NBAS: variants seen among roughly 807,000 people sequenced by gnomAD.
NBAS encodes the protein NAG/BC035112 fusion.
Under a neutral mutation model 302.5 loss-of-function variants are expected in NBAS, and 219 were observed. That is an observed-to-expected ratio of 0.72 (90% CI 0.65 to 0.81). The LOEUF (loss-of-function observed/expected upper bound fraction) is 0.81. NBAS is among the 30% of genes least tolerant of loss of function. NBAS has a pLI of 0.00. For synonymous variants in NBAS, 1,118 were observed against 1,021.6 expected, an observed-to-expected ratio of 1.09 and a Z score of -1.80; for missense variants, 2,932 against 2,841.6, an observed-to-expected ratio of 1.03 and a Z score of -0.72.
the NBAS span, among the ~76,000 whole-genome samples, chr2:15,066,293 T>A: frequency 2.6e-5 from 4 of 152,318 alleles, no homozygotes; most frequent in Non-Finnish European, 5.9e-5. Flanking sequence ...AAAACCTTCA[T>A]GACATTGATC....
At chr2:15,508,335 G>C (rs1233758557) in intron 10 of NBAS, among the ~76,000 whole-genome samples, 1 of 152,130 alleles carries the variant, frequency 6.6e-6, no homozygotes, top group African/African-American at 2.4e-5. Flanking sequence ...AGGTGCAAAG[G>C]GAAAGCACAG....
intron 1 of NBAS, among the ~76,000 whole-genome samples, chr2:15,560,436 C>G (rs1472592495): frequency 6.6e-6 from 1 of 152,056 alleles, no homozygotes; most frequent in African/African-American, 2.4e-5. Context: ...TCTGCACTTC[C>G]GTGGCATTTT....
chr2:14,976,660 T>C, the NBAS span, among the ~76,000 whole-genome samples: 1 of 152,224 alleles, frequency 6.6e-6, no homozygotes. Context: ...AAAAAGTTTT[T>C]TCTACAATGT....
the NBAS span, among the ~76,000 whole-genome samples, chr2:14,815,806 G>A: frequency 6.6e-6 from 1 of 152,046 alleles, no homozygotes; most frequent in Non-Finnish European, 1.5e-5. Flanking sequence ...CACCATCCCA[G>A]ACTAGCTTTT....
At chr2:15,313,753 C>T (rs1168859079) in intron 38 of NBAS, among the ~76,000 whole-genome samples, 3 of 152,182 alleles carry the variant, frequency 2.0e-5, no homozygotes, top group Non-Finnish European at 4.4e-5. Context: ...AGGTCTAATT[C>T]CCTAGGGACT....
chr2:15,432,407 G>A (rs1225028936), intron 21 of NBAS, among the ~76,000 whole-genome samples: 27 of 151,704 alleles, frequency 1.8e-4, no homozygotes, highest in Admixed American at 1.7e-3. Context: ...AATAAACTAC[G>A]CTGGCTTTCA....
chr2:15,403,602 A>G lies in NBAS; in HGVS notation c.2938-1301T>C, dbSNP rs151178098. Among the ~76,000 whole-genome samples the G allele has an allele frequency of 5.0e-3, 756 of 152,296 alleles. 10 individuals are homozygous for G. The highest frequency in any genetic ancestry group is 0.017 in the African/African-American group (698 of 41,578). On this transcript the variant is annotated intron_variant, in intron 25 of 51. Transcript: ENST00000281513. ...ATGTGCAAAGGTTATCACAAATACTACACCATTGTGTATCAGGGACTTGAG... is the reference window on the plus strand; with the variant it reads ...ATGTGCAAAGGTTATCACAAATACTGCACCATTGTGTATCAGGGACTTGAG...
chr2:15,152,759 C>T, the NBAS span, among the ~76,000 whole-genome samples: 10 of 152,176 alleles, frequency 6.6e-5, no homozygotes, highest in Admixed American at 6.6e-4. Context: ...TAGACATTAA[C>T]AAAGGGGCCT....
At chr2:15,441,757 A>G (rs1324316718) in intron 21 of NBAS, among the ~76,000 whole-genome samples, 2 of 152,306 alleles carry the variant, frequency 1.3e-5, no homozygotes, top group Admixed American at 6.5e-5. Flanking sequence ...GTATTCAGGA[A>G]ACCCATCTCA....
chr2:14,821,344 C>G, the NBAS span, among the ~76,000 whole-genome samples: 1 of 152,154 alleles, frequency 6.6e-6, no homozygotes, highest in East Asian at 1.9e-4. Flanking sequence ...AAAGGCAGCT[C>G]TCATTTGCAT....
chr2:15,144,055 A>ATATATATATATATTATCC, the NBAS span, among the ~76,000 whole-genome samples: 1 of 140,380 alleles, frequency 7.1e-6, no homozygotes, highest in Non-Finnish European at 1.5e-5. Flanking sequence ...AAAAATATAT[A>ATATATATATATATTATCC]TATATATATA....
At chr2:14,970,819 C>T in the NBAS span, among the ~76,000 whole-genome samples, 1 of 152,330 alleles carries the variant, frequency 6.6e-6, no homozygotes, top group East Asian at 1.9e-4. Flanking sequence ...TTACAATCAA[C>T]CCTTTAGTAA....
At chr2:14,783,017 G>C in the NBAS span, among the ~76,000 whole-genome samples, 1 of 152,068 alleles carries the variant, frequency 6.6e-6, no homozygotes, top group African/African-American at 2.4e-5. Context: ...ACAAAGCTAA[G>C]TACCCAGATG....
At chr2:15,299,442 G>A (rs112451429) in intron 40 of NBAS, among the ~76,000 whole-genome samples, 1 of 152,256 alleles carries the variant, frequency 6.6e-6, no homozygotes, top group Non-Finnish European at 1.5e-5. Context: ...TGGTTTAATA[G>A]TCTCTACATT....
chr2:15,314,339 C>A (rs1410964591), intron 38 of NBAS, among the ~76,000 whole-genome samples: 13 of 152,062 alleles, frequency 8.5e-5, no homozygotes, highest in Admixed American at 8.5e-4. Context: ...CCAGCCTGGG[C>A]AACAGAGAGA....
the NBAS span, among the ~76,000 whole-genome samples, chr2:14,931,619 A>G: frequency 6.6e-6 from 1 of 152,234 alleles, no homozygotes; most frequent in African/African-American, 2.4e-5. Flanking sequence ...AACTGAACAC[A>G]AAGGACACTG....
intron 23 of NBAS, among the ~76,000 whole-genome samples, chr2:15,419,335 A>ATGTG (rs55830610): frequency 0.055 from 8,302 of 150,048 alleles, 257 homozygotes; most frequent in Middle Eastern, 0.068. Context: ...ATACATATAT[A>ATGTG]TGTGTGTGTG....
chr2:15,374,221 T>G (rs139706657), intron 31 of NBAS, among the ~76,000 whole-genome samples: 2 of 152,224 alleles, frequency 1.3e-5, no homozygotes, highest in African/African-American at 4.8e-5. Flanking sequence ...CTATTTTTAT[T>G]TATAGCTAGT....
the NBAS span, among the ~76,000 whole-genome samples, chr2:14,875,648 TA>T: frequency 6.6e-6 from 1 of 152,120 alleles, no homozygotes; most frequent in African/African-American, 2.4e-5. Flanking sequence ...TTTAGTTTAA[TA>T]AATTAGCCAC....
Sources: allele counts gnomAD v4.1 joint callset (sites outside exome capture counted in the v4.1 genomes callset), GRCh38; gene constraint gnomAD v4.1.1; transcripts MANE v1.5; gene names NCBI Gene and HGNC (gene_info 2026-07-23, HGNC 2026-07-21).